KLHDC4: variants seen among roughly 807,000 people sequenced by gnomAD.
KLHDC4 encodes the protein kelch domain-containing protein 4.
A neutral mutation model predicts 62.4 loss-of-function variants in KLHDC4; 90 were observed. The ratio of observed to expected loss-of-function variants is 1.44; its 90% confidence interval spans 1.22 to 1.72. KLHDC4 has a LOEUF of 1.72. KLHDC4 is among the 40% of genes most tolerant of loss of function. KLHDC4 has a pLI of 0.00. For synonymous variants in KLHDC4, 386 were observed against 284.4 expected, an observed-to-expected ratio of 1.36 and a Z score of -3.59; for missense variants, 1,025 against 699.7, an observed-to-expected ratio of 1.47 and a Z score of -5.25.
At chr16:87,765,076 G>A (rs1333090524) in intron 1 of KLHDC4, 1 of 455,378 alleles carries the variant, frequency 2.2e-6, no homozygotes, top group African/African-American at 2.0e-5. Context: ...CTGCTCGTGA[G>A]GAGTAAAGCC....
chr16:87,711,390 A>C lies in KLHDC4; in HGVS notation c.889T>G (p.Ser297Ala), dbSNP rs776126569. 3.1e-6 allele frequency: 5 copies of C among 1,613,354 alleles called. No individual in the cohort carries two copies. The highest frequency in any genetic ancestry group is 2.7e-5 in the African/African-American group (2 of 74,856). The change falls in exon 9 of 12, where the codon TCT becomes GCT. Residue 297 changes from serine (S) to alanine (A), a missense_variant. Ser to Ala is a moderately conservative substitution (Grantham distance 99). Transcript: ENST00000270583. ...NPSGVKPTPRSGFSVAMAPNH... is the reference protein window; with the variant it reads ...NPSGVKPTPRAGFSVAMAPNH... The stretch of plus-strand genomic sequence containing the variant: ...GGGGCCATGGCCACGGAAAAGCCAG[A>C]CCGTGGGGTGGGCTTGACCCCCGAA...
intron 5 of KLHDC4, 51 bp downstream of exon 5, chr16:87,748,622 C>T (rs774240739): frequency 1.2e-6 from 2 of 1,609,990 alleles, no homozygotes; most frequent in African/African-American, 1.3e-5. Flanking sequence ...GCTCAGCACA[C>T]AAGCACAGAA....
intron 7 of KLHDC4, among the ~76,000 whole-genome samples, chr16:87,722,698 C>T (rs1332106381): frequency 6.6e-6 from 1 of 152,186 alleles, no homozygotes; most frequent in African/African-American, 2.4e-5. Flanking sequence ...TGGGGCCGCC[C>T]TGCTGAGACG....
At chr16:87,756,571 C>T in intron 2 of KLHDC4, 94 bp from the exon 3 acceptor site, 1 of 881,872 alleles carries the variant, frequency 1.1e-6, no homozygotes, top group Non-Finnish European at 1.9e-6. Context: ...TCACCACAAA[C>T]TGGCTGCCTC....
chr16:87,707,795 G>A (rs956538472), downstream of KLHDC4: 4 of 373,584 alleles, frequency 1.1e-5, no homozygotes, highest in Admixed American at 1.2e-4. Context: ...CCACACAGAA[G>A]ACACCCTCCG....
At chr16:87,719,190 T>C (rs1459464879) in intron 7 of KLHDC4, among the ~76,000 whole-genome samples, 1 of 152,184 alleles carries the variant, frequency 6.6e-6, no homozygotes, top group Non-Finnish European at 1.5e-5. Flanking sequence ...TCATTGAGAA[T>C]GGGCCATGAT....
At chr16:87,758,032 T>A (rs1460457247) in intron 2 of KLHDC4, among the ~76,000 whole-genome samples, 1 of 152,218 alleles carries the variant, frequency 6.6e-6, no homozygotes, top group African/African-American at 2.4e-5. Context: ...GCGTGCTCCA[T>A]AATGCCAACT....
chr16:87,714,487 A>G lies in KLHDC4; in HGVS notation c.835+11T>C. 6.2e-7 allele frequency: 1 copy of G among 1,614,014 alleles called. No homozygotes were observed. Reference sequence around the variant, plus strand: ...CAGCCAGCTCCCGCCCTGGAGGCACAGCACCTCTACCTTCTCTTCCGTCCT... The same window carrying G: ...CAGCCAGCTCCCGCCCTGGAGGCACGGCACCTCTACCTTCTCTTCCGTCCT... On this transcript the variant is annotated intron_variant, in intron 8 of 11. Transcript: ENST00000270583.
At chr16:87,716,433 G>A (rs977722927) in intron 7 of KLHDC4, among the ~76,000 whole-genome samples, 2 of 152,146 alleles carry the variant, frequency 1.3e-5, no homozygotes, top group Non-Finnish European at 2.9e-5. Context: ...GTTGTTCAAC[G>A]ACACACAGCT....
rs149214154 is a variant in KLHDC4, at chr16:87,709,489, G to A, written c.1223C>T (p.Ala408Val). 3.2e-5 allele frequency: 51 copies of A among 1,611,622 alleles called. No homozygotes were observed. The highest frequency in any genetic ancestry group is 2.5e-4 in the East Asian group (11 of 44,882). Reference protein sequence around the residue: ...IKQVLTAPGSAGQPRSEDEDS... With the variant: ...IKQVLTAPGSVGQPRSEDEDS... ...TTCGTCCTCAGACCGGGGCTGCCCC[G>A]CCGAGCCTGGCGCGGTGAGCACCTG... The change falls in exon 10 of 12, where the codon GCG becomes GTG. Residue 408 changes from alanine to valine, a missense_variant. Ala to Val is a moderately conservative substitution (Grantham distance 64, BLOSUM62 0). Coordinates refer to ENST00000270583, the MANE Select transcript of KLHDC4 (RefSeq NM_017566.4).
exon 1 of KLHDC4, chr16:87,702,297 G>T (rs753645831): frequency 2.2e-6 from 1 of 456,310 alleles, no homozygotes; most frequent in South Asian, 1.5e-5. Context: ...AGGAGGGCCG[G>T]TCTGCCGGGG....
intron 5 of KLHDC4, among the ~76,000 whole-genome samples, chr16:87,746,348 A>T (rs2043030805): frequency 6.6e-6 from 1 of 152,070 alleles, no homozygotes; most frequent in South Asian, 2.1e-4. Context: ...AGACAAGACC[A>T]CAAAGAGAGA....
At chr16:87,741,425 C>T (rs959026204) in intron 5 of KLHDC4, among the ~76,000 whole-genome samples, 62 of 152,306 alleles carry the variant, frequency 4.1e-4, no homozygotes, top group African/African-American at 1.5e-3. Flanking sequence ...ATTAGACTCT[C>T]ACAGGAGTGA....
chr16:87,756,252 G>C (rs527635072), intron 3 of KLHDC4, 147 bp downstream of exon 3: 3 of 594,406 alleles, frequency 5.0e-6, no homozygotes, highest in Non-Finnish European at 9.1e-6. Context: ...GCATCCTGGC[G>C]ACGTCTCACA....
chr16:87,725,311 G>A (rs1262649300), intron 7 of KLHDC4, among the ~76,000 whole-genome samples: 8 of 152,118 alleles, frequency 5.3e-5, no homozygotes, highest in Admixed American at 3.9e-4. Flanking sequence ...GACTACAGGC[G>A]CCCGCCACCA....
At chr16:87,715,035 G>A (rs992950534) in intron 7 of KLHDC4, among the ~76,000 whole-genome samples, 6 of 152,150 alleles carry the variant, frequency 3.9e-5, no homozygotes, top group African/African-American at 1.4e-4. Context: ...TCCAAGCTTC[G>A]AAAACAACGC....
intron 1 of KLHDC4, chr16:87,762,281 T>A: frequency 1.6e-6 from 1 of 636,572 alleles, no homozygotes; most frequent in Non-Finnish European, 2.4e-6. Context: ...TCCACACCCT[T>A]AACGCTCCCT....
At chr16:87,737,868 G>C (rs143446686) in intron 5 of KLHDC4, among the ~76,000 whole-genome samples, 8 of 152,058 alleles carry the variant, frequency 5.3e-5, no homozygotes, top group African/African-American at 1.9e-4. Context: ...TGGGATTACA[G>C]GTGTGAACCA....
intron 10 of KLHDC4, 44 bp downstream of exon 10, chr16:87,709,221 G>C: frequency 6.3e-7 from 1 of 1,576,886 alleles, no homozygotes; most frequent in Non-Finnish European, 8.6e-7. Flanking sequence ...CACGACCGTG[G>C]GCTCTCGCTC....
Sources: allele counts gnomAD v4.1 joint callset (sites outside exome capture counted in the v4.1 genomes callset), GRCh38; gene constraint gnomAD v4.1.1; transcripts MANE v1.5; gene names NCBI Gene and HGNC (gene_info 2026-07-23, HGNC 2026-07-21).